The following UCK2 variants were observed in gnomAD, a reference collection of about 807,000 sequenced individuals.
UCK2 encodes the protein uridine-cytidine kinase 2, also known as cytidine monophosphokinase 2.
In UCK2, 6 loss-of-function variants were observed where a neutral mutation model predicts 30.8. That is an observed-to-expected ratio of 0.19 (90% CI 0.11 to 0.38). The LOEUF (loss-of-function observed/expected upper bound fraction) is 0.38, where lower values mean the gene tolerates loss of function less well. UCK2 is among the 10% of genes least tolerant of loss of function. UCK2 has a pLI of 1.00. For synonymous variants in UCK2, 125 were observed against 133.6 expected (o/e 0.94, Z 0.45); for missense variants, 210 against 339.8 (o/e 0.62, Z 3.00).
At chr1:165,872,967 A>G (rs539651561) in intron 1 of UCK2, among the ~76,000 whole-genome samples, 11 of 152,338 alleles carry the variant, frequency 7.2e-5, no homozygotes, top group African/African-American at 2.4e-4. Context: ...TGAATTTTGC[A>G]TCACGTTGGA....
intron 4 of UCK2, among the ~76,000 whole-genome samples, chr1:165,899,497 A>G (rs1288814554): frequency 6.6e-6 from 1 of 152,188 alleles, no homozygotes; most frequent in Non-Finnish European, 1.5e-5. Context: ...TGACTTCACC[A>G]TTGAGGAATT....
chr1:165,883,634 G>A (rs1045394616), intron 1 of UCK2, among the ~76,000 whole-genome samples: 1 of 152,120 alleles, frequency 6.6e-6, no homozygotes. Context: ...GGTGGCATGG[G>A]TGGGTGGTGG....
At chr1:165,892,606 C>T (rs1381527167) in intron 3 of UCK2, 1 of 152,258 alleles carries the variant, frequency 6.6e-6, no homozygotes, top group Admixed American at 6.5e-5. Flanking sequence ...GCAAGGGATT[C>T]TGAGAATTGT....
rs569126155 is a variant in UCK2 at position 165,854,042 on chromosome 1, C to T, written c.99+26110C>T. On this transcript the variant is annotated intron_variant, in intron 1 of 6. Coordinates refer to ENST00000367879, the MANE Select transcript of UCK2 (RefSeq NM_012474.5). ...AACTAGATCTGTGTAGTCAGAAGTC[C>T]ATGCTCTTTGGGAAGTCTGAGAAAC... Among the ~76,000 whole-genome samples the T allele has an allele frequency of 7.4e-4, 112 of 152,300 alleles. 1 individual carries two copies. The highest frequency in any genetic ancestry group is 8.4e-4 in the Non-Finnish European group (57 of 68,026).
chr1:165,856,901 G>GT lies in UCK2; in HGVS notation c.99+28988dup, dbSNP rs60388478. 3.8e-3 allele frequency among the ~76,000 whole-genome samples: 515 copies of GT among 134,750 alleles called. 3 individuals carry two copies. Among genetic ancestry groups the GT allele is most frequent in the African/African-American group, 0.013 (455 of 36,386 alleles). The allele number at this position is 134,750 out of a possible 152,430, so 88.4% of individuals were successfully genotyped here. ...TATGGCCCTCATAGGCGGCCCCAGG[G>GT]TTTTTTTTTTTTTTTTTTTACTTTT... On this transcript the variant is annotated intron_variant, in intron 1 of 6. Coordinates refer to ENST00000367879, the MANE Select transcript of UCK2 (RefSeq NM_012474.5).
At chr1:165,890,176 T>G (rs1487666734) in intron 1 of UCK2, 28 bp from the exon 2 acceptor site, 1 of 1,612,708 alleles carries the variant, frequency 6.2e-7, no homozygotes, top group South Asian at 1.1e-5. Context: ...TTTCTCTTAT[T>G]CCTGGGTGCT....
chr1:165,858,251 G>A (rs6666086), intron 1 of UCK2, among the ~76,000 whole-genome samples: 10 of 151,986 alleles, frequency 6.6e-5, no homozygotes, highest in Non-Finnish European at 1.2e-4. Flanking sequence ...AGAGAGTAGA[G>A]GCTCAGAGAG....
intron 1 of UCK2, among the ~76,000 whole-genome samples, chr1:165,851,544 A>G (rs1048479108): frequency 2.0e-5 from 3 of 151,618 alleles, no homozygotes; most frequent in African/African-American, 7.3e-5. Context: ...TGTGCATGCC[A>G]CTCCCCGACC....
At chr1:165,889,782 C>A (rs1008702092) in intron 1 of UCK2, among the ~76,000 whole-genome samples, 2 of 146,596 alleles carry the variant, frequency 1.4e-5, no homozygotes, top group Admixed American at 7.0e-5. Flanking sequence ...CAGATTATTT[C>A]ATCACCCAGG....
chr1:165,885,751 A>G (rs1655600010), intron 1 of UCK2, among the ~76,000 whole-genome samples: 1 of 152,186 alleles, frequency 6.6e-6, no homozygotes, highest in Non-Finnish European at 1.5e-5. Context: ...CTTTGCCTCT[A>G]TGTTTGCCAT....
intron 1 of UCK2, among the ~76,000 whole-genome samples, chr1:165,872,678 A>G (rs1011990151): frequency 2.0e-5 from 3 of 152,268 alleles, no homozygotes; most frequent in Non-Finnish European, 4.4e-5. Context: ...CAGTTCCTTC[A>G]TATAGTGGAA....
chr1:165,832,822 A>G (rs1168115677), intron 1 of UCK2, among the ~76,000 whole-genome samples: 1 of 151,598 alleles, frequency 6.6e-6, no homozygotes, highest in Admixed American at 6.6e-5. Context: ...TCATCTTCTG[A>G]CCTCATGATC....
rs78939054 is a variant in UCK2, at chr1:165,905,221, G to A, written c.598-700G>A. 6.2e-3 allele frequency among the ~76,000 whole-genome samples: 939 copies of A among 152,316 alleles called. 10 individuals carry two copies. The highest frequency in any genetic ancestry group is 0.021 in the African/African-American group (889 of 41,568). On this transcript the variant is annotated intron_variant, in intron 5 of 6. Transcript: ENST00000367879. ...AACTTGGTTGGGTGCAGTGGCTCAC[G>A]CCTGTAATCCTGGGACTTTGGGAGG...
intron 1 of UCK2, among the ~76,000 whole-genome samples, chr1:165,850,843 T>C (rs1654575894): frequency 1.3e-5 from 2 of 151,048 alleles, no homozygotes; most frequent in African/African-American, 4.9e-5. Flanking sequence ...AGGATGGTCT[T>C]GATCTCCTGA....
chr1:165,899,117 C>T lies in UCK2; in HGVS notation c.499+2785C>T, dbSNP rs1647372603. Among the ~76,000 whole-genome samples the T allele has an allele frequency of 3.9e-5, 6 of 152,160 alleles. 1 individual carries two copies. The South Asian group carries it at 1.2e-3, about 32-fold the overall frequency. On this transcript the variant is annotated intron_variant, in intron 4 of 6. Transcript: ENST00000367879. Reference sequence around the variant, plus strand: ...CTTGAGTTAGCTCCATGATTTTACCCATCTGTCACACCCTCCTGGGCATGT... The same window carrying T: ...CTTGAGTTAGCTCCATGATTTTACCTATCTGTCACACCCTCCTGGGCATGT...
rs888078831 is a variant in UCK2, at chr1:165,882,834, G to GT, written c.100-7361dup. Among the ~76,000 whole-genome samples the GT allele has an allele frequency of 6.5e-4, 98 of 150,730 alleles. 1 individual carries two copies. The highest frequency in any genetic ancestry group is 1.0e-3 in the Non-Finnish European group (68 of 67,566). ...TTCAGACCTTAACACTCACTCTTTT[G>GT]TTTTTTTTTGAGACACAGTCTCGCT... On this transcript the variant is annotated intron_variant, in intron 1 of 6. Coordinates refer to ENST00000367879, the MANE Select transcript of UCK2 (RefSeq NM_012474.5).
At chr1:165,876,584 A>G (rs1655342258) in intron 1 of UCK2, among the ~76,000 whole-genome samples, 1 of 152,246 alleles carries the variant, frequency 6.6e-6, no homozygotes, top group Non-Finnish European at 1.5e-5. Context: ...ATAAAAGTTG[A>G]AGAAAGTACA....
At chr1:165,874,766 G>A (rs1322603185) in intron 1 of UCK2, among the ~76,000 whole-genome samples, 1 of 152,006 alleles carries the variant, frequency 6.6e-6, no homozygotes, top group Admixed American at 6.5e-5. Context: ...TTGTTTTACC[G>A]AGGACATGAA....
intron 1 of UCK2, among the ~76,000 whole-genome samples, chr1:165,836,485 A>T (rs1263842175): frequency 6.6e-6 from 1 of 152,214 alleles, no homozygotes; most frequent in African/African-American, 2.4e-5. Flanking sequence ...TTACCTTTAA[A>T]ATTATATGTC....
Sources: allele counts gnomAD v4.1 joint callset (sites outside exome capture counted in the v4.1 genomes callset), GRCh38; gene constraint gnomAD v4.1.1; transcripts MANE v1.5; gene names NCBI Gene and HGNC (gene_info 2026-07-23, HGNC 2026-07-21).